The following HEATR4 variants were observed in gnomAD, a reference collection of about 807,000 sequenced individuals.
HEATR4 encodes HEAT repeat-containing protein 4.
HEATR4 carries 95 observed loss-of-function variants against 108.8 expected under a neutral mutation model. The observed-to-expected ratio is 0.87, with a 90% CI of 0.74 to 1.04. The LOEUF is 1.04. HEATR4 is among the 50% of genes least tolerant of loss of function. HEATR4 has a pLI of 0.00. For missense variants in HEATR4, 1,152 were observed against 1,253.8 expected, an observed-to-expected ratio of 0.92 and a Z score of 1.23; for synonymous variants, 443 against 459.4, an observed-to-expected ratio of 0.96 and a Z score of 0.46.
chr14:73,576,927 C>CTT, the HEATR4 span, among the ~76,000 whole-genome samples: 1 of 121,626 alleles, frequency 8.2e-6, no homozygotes, highest in Non-Finnish European at 1.7e-5. Context: ...TTATTCTTTT[C>CTT]TTTTCTTTTT....
chr14:73,560,535 C>T (rs558788420), upstream of HEATR4, among the ~76,000 whole-genome samples: 108 of 151,604 alleles, frequency 7.1e-4, 1 homozygote, highest in Middle Eastern at 0.014. Flanking sequence ...TGGTGGCAGG[C>T]GCCTGTAGTC....
the HEATR4 span, chr14:73,613,053 T>A: frequency 1.5e-6 from 1 of 686,840 alleles, no homozygotes; most frequent in Non-Finnish European, 2.2e-6. Context: ...CAGAATTTGG[T>A]CGAGCTCTGC....
intron 17 of HEATR4, among the ~76,000 whole-genome samples, chr14:73,486,495 C>G (rs1034592774): frequency 1.2e-4 from 18 of 151,970 alleles, no homozygotes; most frequent in Admixed American, 1.2e-3. Flanking sequence ...TCCAGGAGTT[C>G]AAGACCAGCT....
At chr14:73,500,863 A>G in intron 11 of HEATR4, 133 bp from the exon 12 acceptor site, 1 of 759,578 alleles carries the variant, frequency 1.3e-6, no homozygotes, top group South Asian at 1.9e-5. Context: ...TGCTCATGAG[A>G]TAAGTTTTAC....
At position 73,500,535 on chromosome 14, in the gene HEATR4, G is replaced by A. The variant is rs546374990; in HGVS notation, c.2286+15C>T. 3.4e-5 allele frequency: 55 copies of A among 1,609,790 alleles called. No homozygotes were observed. In the South Asian group the frequency reaches 5.1e-4, roughly 15 times the overall value. On this transcript the variant is annotated intron_variant, in intron 12 of 17. Transcript: ENST00000553558. The stretch of plus-strand genomic sequence containing the variant: ...GGTCAATCAGGTAAGATGAGAATAT[G>A]TTTCCCTGACTCACCATCTTGTCGC...
At chr14:73,607,926 GTTTTCTT>G in the HEATR4 span, among the ~76,000 whole-genome samples, 1 of 151,086 alleles carries the variant, frequency 6.6e-6, no homozygotes, top group Admixed American at 6.6e-5. Flanking sequence ...GCCCAGCGGG[GTTTTCTT>G]TTTTCTTTTG....
chr14:73,576,793 CAAAAAAA>C, the HEATR4 span, among the ~76,000 whole-genome samples: 405 of 12,060 alleles, frequency 0.034, 3 homozygotes, highest in African/African-American at 0.083. Flanking sequence ...GACACAGTCT[CAAAAAAA>C]AAAAAAAAAA....
chr14:73,491,014 G>C (rs1216154354), intron 17 of HEATR4: 3 of 1,488,394 alleles, frequency 2.0e-6, no homozygotes, highest in Non-Finnish European at 1.8e-6. Flanking sequence ...GGTGTGGTCT[G>C]GCCATGGATG....
chr14:73,595,135 A>G, the HEATR4 span: 1 of 1,614,208 alleles, frequency 6.2e-7, no homozygotes, highest in Non-Finnish European at 8.5e-7. Flanking sequence ...AGAATGTCTC[A>G]GCCACAGTTT....
At chr14:73,592,194 G>A in the HEATR4 span, 2 of 1,611,018 alleles carry the variant, frequency 1.2e-6, no homozygotes, top group Non-Finnish European at 1.7e-6. Flanking sequence ...CGAGCCCATG[G>A]GGCTGCTCTG....
chr14:73,595,565 A>G, the HEATR4 span: 1 of 1,584,926 alleles, frequency 6.3e-7, no homozygotes, highest in Non-Finnish European at 8.6e-7. Flanking sequence ...GGCTCATTCT[A>G]AGGCCCAGGA....
chr14:73,617,127 G>A, the HEATR4 span: 7 of 1,612,482 alleles, frequency 4.3e-6, no homozygotes, highest in South Asian at 7.7e-5. Context: ...CCTCCCCGAA[G>A]ATCTGAATGA....
At chr14:73,595,949 A>C in the HEATR4 span, 17 of 241,052 alleles carry the variant, frequency 7.1e-5, no homozygotes, top group Non-Finnish European at 1.4e-4. Context: ...TGAGCTTTAA[A>C]GCTGGTGACT....
chr14:73,524,045 C>T (rs961092999), intron 2 of HEATR4, among the ~76,000 whole-genome samples: 1 of 151,872 alleles, frequency 6.6e-6, no homozygotes, highest in Admixed American at 6.6e-5. Context: ...AATCCCAGCA[C>T]TTTGGGAGGC....
rs1186276895 is a variant in HEATR4, at chr14:73,514,105, A to T, written c.1340T>A (p.Leu447Gln). The change falls in exon 6 of 18, where the codon CTG becomes CAG. Residue 447 changes from leucine (L) to glutamine (Q), a missense_variant. By Grantham distance (113) the Leu-to-Gln change is moderately radical (BLOSUM62 -2). Coordinates refer to ENST00000553558, the MANE Select transcript of HEATR4 (RefSeq NM_001220484.1). Reference sequence around the variant, plus strand: ...CAGTTCCCAGGTCACATCCTCCTGCAGTGATTTTGCCTGCTTCTTCAATCT... The same window carrying T: ...CAGTTCCCAGGTCACATCCTCCTGCTGTGATTTTGCCTGCTTCTTCAATCT... ...TRRLKKQAKSLQEDVTWELVV... is the reference protein window; with the variant it reads ...TRRLKKQAKSQQEDVTWELVV... 3.1e-6 allele frequency: 5 copies of T among 1,614,186 alleles called. No individual in the cohort carries two copies.
the HEATR4 span, among the ~76,000 whole-genome samples, chr14:73,605,020 AG>A: frequency 6.6e-6 from 1 of 152,152 alleles, no homozygotes; most frequent in African/African-American, 2.4e-5. Context: ...CCAGGCTACC[AG>A]AAGTTATCTT....
At chr14:73,573,668 G>C in the HEATR4 span, 1 of 1,534,494 alleles carries the variant, frequency 6.5e-7, no homozygotes, top group Non-Finnish European at 9.0e-7. Flanking sequence ...ACAGAAGTTA[G>C]CTCATTCATG....
the HEATR4 span, chr14:73,581,531 T>A: frequency 6.6e-6 from 1 of 151,750 alleles, no homozygotes; most frequent in African/African-American, 2.4e-5. Context: ...CAATCCCATC[T>A]TGTTGGGAGG....
the HEATR4 span, chr14:73,595,038 T>C: frequency 7.4e-6 from 12 of 1,612,028 alleles, no homozygotes; most frequent in Non-Finnish European, 1.0e-5. Context: ...TCCTCTCTTC[T>C]TTTCTTCCAG....
Sources: gnomAD v4.1 joint callset for allele counts (sites outside exome capture counted in the v4.1 genomes callset) on GRCh38, gnomAD v4.1.1 for gene constraint, MANE v1.5 for transcripts, NCBI Gene and HGNC (gene_info 2026-07-23, HGNC 2026-07-21) for gene names.